THADA: variants seen among roughly 807,000 people sequenced by gnomAD.
The protein encoded by THADA is THADA armadillo repeat containing.
In THADA, 213 loss-of-function variants were observed where a neutral mutation model predicts 219.8. The observed-to-expected ratio is 0.97, with a 90% CI of 0.87 to 1.09. The LOEUF is 1.09. Among genes scored for constraint, THADA ranks in the 50% least tolerant of loss-of-function variants. The pLI is 0.00. For synonymous variants in THADA, 1,018 were observed against 828.9 expected, an observed-to-expected ratio of 1.23 and a Z score of -3.92; for missense variants, 2,956 against 2,311.3, an observed-to-expected ratio of 1.28 and a Z score of -5.72.
intron 25 of THADA, among the ~76,000 whole-genome samples, chr2:43,487,908 T>G (rs556803757): frequency 6.6e-6 from 1 of 152,338 alleles, no homozygotes; most frequent in South Asian, 2.1e-4. Flanking sequence ...CCTTATAAAG[T>G]GCCCTCATTA....
intron 29 of THADA, among the ~76,000 whole-genome samples, chr2:43,380,119 T>C (rs1428013257): frequency 6.6e-6 from 1 of 152,206 alleles, no homozygotes; most frequent in Non-Finnish European, 1.5e-5. Context: ...TTCTACATAC[T>C]AGTCAAAATG....
chr2:43,289,631 C>T (rs1674448655), intron 34 of THADA, among the ~76,000 whole-genome samples: 1 of 152,132 alleles, frequency 6.6e-6, no homozygotes, highest in Non-Finnish European at 1.5e-5. Context: ...CTTCTTAGAA[C>T]TTGGTGTTTT....
At chr2:43,291,312 G>T (rs529484053) in intron 34 of THADA, among the ~76,000 whole-genome samples, 1 of 151,514 alleles carries the variant, frequency 6.6e-6, no homozygotes, top group African/African-American at 2.4e-5. Flanking sequence ...TTAGCCGGGC[G>T]TGCTGGCACA....
chr2:43,571,155 C>G (rs1193289973), intron 13 of THADA, among the ~76,000 whole-genome samples: 1 of 152,056 alleles, frequency 6.6e-6, no homozygotes, highest in Non-Finnish European at 1.5e-5. Context: ...ACTTCAGAGG[C>G]TGGGGAGGAA....
At chr2:43,582,966 G>T (rs748845987) in intron 7 of THADA, among the ~76,000 whole-genome samples, 4 of 151,980 alleles carry the variant, frequency 2.6e-5, no homozygotes, top group Non-Finnish European at 5.9e-5. Flanking sequence ...TCTTCTCCCT[G>T]ATCTTTTTAT....
At chr2:43,241,274 G>C (rs1043320370) in intron 36 of THADA, among the ~76,000 whole-genome samples, 3 of 151,740 alleles carry the variant, frequency 2.0e-5, no homozygotes, top group Non-Finnish European at 4.4e-5. Context: ...ATTTTTTGTA[G>C]AGACGGGTTT....
intron 21 of THADA, among the ~76,000 whole-genome samples, chr2:43,538,907 T>C (rs1004403977): frequency 4.6e-5 from 7 of 152,246 alleles, no homozygotes; most frequent in Non-Finnish European, 8.8e-5. Flanking sequence ...CTACCTTTTA[T>C]ACTCCTATAT....
chr2:43,324,394 C>T (rs1679090092), intron 30 of THADA, among the ~76,000 whole-genome samples: 1 of 152,146 alleles, frequency 6.6e-6, no homozygotes, highest in African/African-American at 2.4e-5. Context: ...TCAACAAGAT[C>T]ATGGGAGGCT....
intron 25 of THADA, 131 bp from the exon 26 acceptor site, chr2:43,485,456 G>T: frequency 6.3e-6 from 4 of 636,020 alleles, no homozygotes; most frequent in Non-Finnish European, 1.1e-5. Flanking sequence ...ACAGATTTGT[G>T]TTCATAAAAT....
intron 24 of THADA, among the ~76,000 whole-genome samples, chr2:43,503,785 A>G (rs957136948): frequency 1.3e-5 from 2 of 152,180 alleles, no homozygotes; most frequent in Admixed American, 6.5e-5. Context: ...AATCTCACCA[A>G]TTTCATAAAA....
intron 25 of THADA, among the ~76,000 whole-genome samples, chr2:43,487,814 T>C (rs865976081): frequency 5.3e-5 from 8 of 152,198 alleles, no homozygotes; most frequent in African/African-American, 1.2e-4. Flanking sequence ...TGCCACCATA[T>C]TGATCTTGGA....
intron 28 of THADA, among the ~76,000 whole-genome samples, chr2:43,408,931 T>C (rs1216556803): frequency 2.0e-5 from 3 of 152,154 alleles, no homozygotes; most frequent in Admixed American, 6.5e-5. Flanking sequence ...CTCTGTGGAG[T>C]TGGAGAACAA....
At chr2:43,559,105 A>G (rs1253267522) in intron 16 of THADA, among the ~76,000 whole-genome samples, 2 of 152,200 alleles carry the variant, frequency 1.3e-5, no homozygotes, top group African/African-American at 4.8e-5. Flanking sequence ...ACACAATATG[A>G]GGTGACATGT....
chr2:43,430,075 C>T (rs1679036704), intron 27 of THADA, 138 bp downstream of exon 27: 5 of 472,468 alleles, frequency 1.1e-5, no homozygotes, highest in East Asian at 3.5e-5. Context: ...GGGAAAGACC[C>T]TGTCTCAAGG....
chr2:43,552,917 G>A (rs570047875), intron 17 of THADA, among the ~76,000 whole-genome samples: 3 of 151,890 alleles, frequency 2.0e-5, no homozygotes, highest in South Asian at 4.2e-4. Flanking sequence ...TTTATGATAC[G>A]TCCAGAGTAG....
intron 26 of THADA, 40 bp from the exon 27 acceptor site, chr2:43,430,342 C>A: frequency 8.4e-7 from 1 of 1,189,308 alleles, no homozygotes; most frequent in Middle Eastern, 1.9e-4. Context: ...TCATTTATTC[C>A]CTTTGATCTG....
In THADA at chr2:43,466,226, T is replaced by C. The variant is rs188723776; in HGVS notation, c.3836+19008A>G. ...TTCAATATTTTAAATGAGTAGTCAA[T>C]GCTACGACTGGAGAATCATAATGCA... On this transcript the variant is annotated intron_variant, in intron 26 of 37. Coordinates refer to ENST00000405975, the MANE Select transcript of THADA (RefSeq NM_022065.5). 1.1e-4 allele frequency among the ~76,000 whole-genome samples: 16 copies of C among 152,344 alleles called. No individual in the cohort carries two copies. In the East Asian group the frequency reaches 2.5e-3, roughly 24 times the overall value.
chr2:43,272,066 G>A (rs1284753937), intron 36 of THADA, among the ~76,000 whole-genome samples: 6 of 152,204 alleles, frequency 3.9e-5, no homozygotes, highest in Non-Finnish European at 8.8e-5. Context: ...AGATGACACT[G>A]AAGCTGAGAT....
chr2:43,290,636 C>CT (rs2104360530), intron 34 of THADA, among the ~76,000 whole-genome samples: 1 of 152,264 alleles, frequency 6.6e-6, no homozygotes, highest in African/African-American at 2.4e-5. Context: ...GCTCTAGTCT[C>CT]TGTTCATCTC....
Sources: gnomAD v4.1 joint callset for allele counts (sites outside exome capture counted in the v4.1 genomes callset) on GRCh38, gnomAD v4.1.1 for gene constraint, MANE v1.5 for transcripts, NCBI Gene and HGNC (gene_info 2026-07-23, HGNC 2026-07-21) for gene names.